Variants in AP3S2 observed in about 807,000 individuals in gnomAD.
AP3S2 encodes the protein adaptor related protein complex 3 subunit sigma 2.
AP3S2 carries 22 observed loss-of-function variants against 23.4 expected under a neutral mutation model. The ratio of observed to expected loss-of-function variants is 0.94; its 90% CI spans 0.67 to 1.34. AP3S2 has a LOEUF of 1.34. Among genes scored for constraint, AP3S2 ranks in the 40% most tolerant of loss-of-function variants. The pLI, the probability that AP3S2 is intolerant of heterozygous loss-of-function variation, is 0.00. For synonymous variants in AP3S2, 86 were observed against 87.1 expected (o/e 0.99, Z 0.07); for missense variants, 241 against 236.9 (o/e 1.02, Z -0.11).
intron 1 of AP3S2, among the ~76,000 whole-genome samples, chr15:89,891,168 G>C (rs897457314): frequency 2.6e-5 from 4 of 152,120 alleles, no homozygotes; most frequent in African/African-American, 9.7e-5. Flanking sequence ...CAATAAAAAG[G>C]TAAACTACCA....
intron 4 of AP3S2, among the ~76,000 whole-genome samples, chr15:89,841,645 A>G (rs1895331874): frequency 6.6e-6 from 1 of 152,198 alleles, no homozygotes; most frequent in Non-Finnish European, 1.5e-5. Context: ...AGATGCTAAG[A>G]GACGCCTTGC....
chr15:89,835,643 C>A lies in AP3S2; in HGVS notation c.454G>T (p.Gly152Cys), dbSNP rs376854476. The A allele has an allele frequency of 7.8e-5, 126 of 1,609,544 alleles. No homozygotes were observed. Among genetic ancestry groups the A allele is most frequent in the South Asian group, 4.5e-4 (41 of 90,542 alleles). Residue 152 changes from glycine (G) to cysteine (C), a missense_variant and splice_region_variant, in exon 6 of 6, where the codon GGT becomes TGT. Transcript: ENST00000336418. ...CGCGCAGGGGCTGCTGAAAGGCCAC[C>A]CTAAGAAGAAATGAGAGGCGAGTAT... is the stretch of plus-strand genomic sequence containing the variant. ...EAQNRLEKSE[G>C]GLSAAPARAV...
intron 4 of AP3S2, among the ~76,000 whole-genome samples, chr15:89,858,932 T>C (rs1487540942): frequency 6.6e-6 from 1 of 152,134 alleles, no homozygotes; most frequent in Non-Finnish European, 1.5e-5. Context: ...ACTGAGGCAA[T>C]CCAAAGTTCA....
intron 4 of AP3S2, among the ~76,000 whole-genome samples, chr15:89,858,591 C>T (rs1218005758): frequency 6.6e-6 from 1 of 151,482 alleles, no homozygotes; most frequent in African/African-American, 2.4e-5. Flanking sequence ...TTAGAGTAGG[C>T]TAATCCTCTT....
chr15:89,844,344 TTTC>T (rs1487274335), intron 4 of AP3S2, among the ~76,000 whole-genome samples: 9 of 151,034 alleles, frequency 6.0e-5, no homozygotes, highest in Non-Finnish European at 1.0e-4. Context: ...TCTTTCTTTC[TTTC>T]TTTTTTTAGA....
In AP3S2 at chr15:89,835,464, T is replaced by TGCTTGTC; in HGVS notation, c.*44_*50dup. The TGCTTGTC allele has an allele frequency of 6.2e-7, 1 of 1,606,480 alleles. No individual in the cohort carries two copies. Among genetic ancestry groups the TGCTTGTC allele is most frequent in the South Asian group, 1.1e-5 (1 of 90,228 alleles). On this transcript the variant is annotated 3_prime_UTR_variant, in exon 6 of 6. Transcript: ENST00000336418. ...GTTCTGTTTCCAGACGTGCTTGCCT[T>TGCTTGTC]GCTTGTCTTTGCTTGTCTTAAGGAC... is the stretch of plus-strand genomic sequence containing the variant.
chr15:89,887,464 C>T (rs1003434162), intron 3 of AP3S2, among the ~76,000 whole-genome samples: 1 of 151,812 alleles, frequency 6.6e-6, no homozygotes, highest in African/African-American at 2.4e-5. Context: ...CTCTGCCTCC[C>T]GGGTTCAAGC....
intron 4 of AP3S2, among the ~76,000 whole-genome samples, chr15:89,857,509 T>TA (rs1312445093): frequency 3.3e-5 from 5 of 152,306 alleles, no homozygotes; most frequent in African/African-American, 1.2e-4. Context: ...CTCCCACATA[T>TA]AAAAACCATT....
At chr15:89,859,364 T>G (rs1895951336) in intron 4 of AP3S2, among the ~76,000 whole-genome samples, 1 of 114,200 alleles carries the variant, frequency 8.8e-6, no homozygotes, top group Non-Finnish European at 1.8e-5. Flanking sequence ...TTCCTTCCTT[T>G]CCTTCCTTCC....
At position 89,882,093 on chromosome 15, in the gene AP3S2, G is replaced by A. The variant is rs531686275; in HGVS notation, c.273+6428C>T. On this transcript the variant is annotated intron_variant, in intron 3 of 5. Transcript: ENST00000336418. The stretch of plus-strand genomic sequence containing the variant: ...CGCCTCGGCCTCCCAAAGTGCTGGG[G>A]TTACAGGTGTGAGCCACCGTGCCTG... Among the ~76,000 whole-genome samples the A allele has an allele frequency of 1.0e-3, 154 of 151,726 alleles. 1 individual carries two copies. Among genetic ancestry groups the A allele is most frequent in the South Asian group, 8.3e-3 (40 of 4,800 alleles).
chr15:89,855,550 AAG>A (rs1263592353), intron 4 of AP3S2, among the ~76,000 whole-genome samples: 3 of 149,396 alleles, frequency 2.0e-5, no homozygotes, highest in Non-Finnish European at 4.5e-5. Flanking sequence ...AAAAAAAAAA[AAG>A]AATGGACTTT....
chr15:89,880,639 A>G (rs1406308288), intron 3 of AP3S2, among the ~76,000 whole-genome samples: 2 of 150,324 alleles, frequency 1.3e-5, no homozygotes, highest in South Asian at 2.1e-4. Context: ...GCGCCACCGC[A>G]CTCCAGCCTG....
intron 4 of AP3S2, among the ~76,000 whole-genome samples, chr15:89,863,812 A>C (rs940790841): frequency 7.2e-5 from 11 of 152,330 alleles, no homozygotes; most frequent in African/African-American, 2.6e-4. Flanking sequence ...TTTAGTTAAA[A>C]AGAACAGAGT....
chr15:89,832,015 A>G lies in AP3S2; in HGVS notation c.*3500T>C, dbSNP rs1895087669. On this transcript the variant is annotated 3_prime_UTR_variant, in exon 6 of 6. Transcript: ENST00000336418. The stretch of plus-strand genomic sequence containing the variant: ...AGCACTCTGTCAAAGATGCTCACAG[A>G]GACAACAGGAGCAGACAGAGCCTTG... 1 of 152,262 alleles carries G rather than the reference A, an allele frequency of 6.6e-6. No individual in the cohort carries two copies. The highest frequency in any genetic ancestry group is 2.1e-4 in the South Asian group (1 of 4,838). 9.4% of individuals were successfully genotyped at this position (152,262 alleles called of 1,614,324 possible). A position where few individuals can be genotyped will look rare whatever the true frequency, so the allele number is the denominator to read the frequency against.
At chr15:89,844,247 C>T (rs1411963366) in intron 4 of AP3S2, among the ~76,000 whole-genome samples, 2 of 64,438 alleles carry the variant, frequency 3.1e-5, no homozygotes, top group African/African-American at 1.1e-4. Flanking sequence ...TTCTTTCTTT[C>T]TTTCTTTCTT....
At chr15:89,886,023 T>C (rs1244187174) in intron 3 of AP3S2, among the ~76,000 whole-genome samples, 3 of 151,818 alleles carry the variant, frequency 2.0e-5, no homozygotes, top group Non-Finnish European at 1.5e-5. Context: ...CAATGTACAA[T>C]GTACACTAAA....
intron 4 of AP3S2, among the ~76,000 whole-genome samples, chr15:89,854,491 C>T (rs1895760172): frequency 4.7e-5 from 3 of 63,184 alleles, no homozygotes. Flanking sequence ...CCCCTCTGCC[C>T]GGCCAGCCGC....
intron 3 of AP3S2, among the ~76,000 whole-genome samples, chr15:89,887,269 T>C (rs1896721370): frequency 6.6e-6 from 1 of 152,250 alleles, no homozygotes; most frequent in Non-Finnish European, 1.5e-5. Flanking sequence ...CAAAACTATA[T>C]ATTCAAAATT....
At chr15:89,873,641 C>T (rs1896372354) in intron 3 of AP3S2, among the ~76,000 whole-genome samples, 1 of 152,056 alleles carries the variant, frequency 6.6e-6, no homozygotes, top group Admixed American at 6.6e-5. Flanking sequence ...CATTCTGAGA[C>T]AATTGATTAA....
Sources: allele counts gnomAD v4.1 joint callset (sites outside exome capture counted in the v4.1 genomes callset), GRCh38; gene constraint gnomAD v4.1.1; transcripts MANE v1.5; gene names NCBI Gene and HGNC (gene_info 2026-07-23, HGNC 2026-07-21).